Variants in GLYATL1 observed in about 807,000 individuals in gnomAD.
GLYATL1 encodes the protein glycine N-acyltransferase-like protein 1.
Under a neutral mutation model 20.0 loss-of-function variants are expected in GLYATL1, and 15 were observed. The observed-to-expected ratio is 0.75, with a 90% CI of 0.50 to 1.15. The LOEUF is 1.15. GLYATL1 is among the 50% of genes most tolerant of loss of function. The pLI is 0.00. For synonymous variants in GLYATL1, 151 were observed against 131.5 expected (o/e 1.15, Z -1.01); for missense variants, 380 against 368.5 (o/e 1.03, Z -0.26).
chr11:58,905,730 T>C (rs1854855176), intron 1 of GLYATL1: 10 of 127,592 alleles, frequency 7.8e-5, no homozygotes, highest in Admixed American at 6.4e-4. Context: ...ATGGGTCATC[T>C]GGACAAATAG....
rs542320563 is a variant in GLYATL1 at position 58,947,178 on chromosome 11, T to C, written c.78+13T>C. 5.3e-5 allele frequency: 85 copies of C among 1,613,000 alleles called. 2 individuals are homozygous for C. In the South Asian group the frequency reaches 8.7e-4, roughly 16 times the overall value. On this transcript the variant is annotated intron_variant, in intron 3 of 6. Transcript: ENST00000532726. ...TGAGTCCCTGAAGGTCAGGGAACAGTGGGAGGTCAGGGTATGGGAGTAGGG... is the reference window on the plus strand; with the variant it reads ...TGAGTCCCTGAAGGTCAGGGAACAGCGGGAGGTCAGGGTATGGGAGTAGGG...
At chr11:58,942,248 T>C (rs1409486863) in intron 1 of GLYATL1, among the ~76,000 whole-genome samples, 1 of 152,200 alleles carries the variant, frequency 6.6e-6, no homozygotes, top group Non-Finnish European at 1.5e-5. Flanking sequence ...GTCTGAACTT[T>C]GCTCCAGAGG....
chr11:58,955,442 T>C, intron 6 of GLYATL1, 89 bp downstream of exon 6: 1 of 1,397,470 alleles, frequency 7.2e-7, no homozygotes, highest in Non-Finnish European at 9.9e-7. Context: ...GAAGAGAGGA[T>C]GAATTCATTC....
rs186526938 is a variant in GLYATL1, at chr11:58,942,185, G to C, written c.-166-1358G>C. ...GCAACAGATGTGTGTTGAAGCCAAG[G>C]AACCCTGAATTTAGGTCACCTGGAT... On this transcript the variant is annotated intron_variant, in intron 1 of 6. Transcript: ENST00000532726. Among the ~76,000 whole-genome samples, 188 of 152,294 alleles carry C rather than the reference G, an allele frequency of 1.2e-3. 1 individual carries two copies. Among genetic ancestry groups the C allele is most frequent in the African/African-American group, 3.9e-3 (163 of 41,568 alleles).
chr11:58,938,470 A>G (rs1440889044), upstream of GLYATL1, among the ~76,000 whole-genome samples: 1 of 152,158 alleles, frequency 6.6e-6, no homozygotes, highest in African/African-American at 2.4e-5. Context: ...ACCAGAATTC[A>G]TTGCTTCCAT....
At chr11:58,929,959 C>T (rs1477074235) in intron 1 of GLYATL1, among the ~76,000 whole-genome samples, 1 of 152,242 alleles carries the variant, frequency 6.6e-6, no homozygotes. Flanking sequence ...TCAAGGATCA[C>T]TGTCCTTCTT....
intron 1 of GLYATL1, 42 bp from the exon 2 acceptor site, chr11:58,943,501 A>T: frequency 6.4e-7 from 1 of 1,556,858 alleles, no homozygotes; most frequent in Non-Finnish European, 8.7e-7. Flanking sequence ...GCTTAATGAA[A>T]CTCCTTTAAG....
intron 1 of GLYATL1, among the ~76,000 whole-genome samples, chr11:58,940,918 G>A (rs1035460185): frequency 1.8e-4 from 27 of 152,196 alleles, no homozygotes; most frequent in Non-Finnish European, 7.3e-5. Context: ...AGTGAGTCTT[G>A]ATTCAGCCAC....
intron 1 of GLYATL1, among the ~76,000 whole-genome samples, chr11:58,922,564 G>GA (rs1855335353): frequency 6.6e-6 from 1 of 152,144 alleles, no homozygotes; most frequent in African/African-American, 2.4e-5. Flanking sequence ...TCTCCGGTGA[G>GA]ACTGGGGACA....
At chr11:58,921,584 C>T (rs954654437) in intron 1 of GLYATL1, among the ~76,000 whole-genome samples, 1 of 152,192 alleles carries the variant, frequency 6.6e-6, no homozygotes, top group Admixed American at 6.5e-5. Context: ...TTTCCTTTTG[C>T]ATCACGCACA....
At chr11:58,940,974 A>G (rs1022164827) in intron 1 of GLYATL1, among the ~76,000 whole-genome samples, 2 of 152,128 alleles carry the variant, frequency 1.3e-5, no homozygotes, top group Admixed American at 1.3e-4. Context: ...CAAAAAGACA[A>G]ATAGAGGCAG....
At chr11:58,920,479 T>C (rs987429856) in intron 1 of GLYATL1, among the ~76,000 whole-genome samples, 1 of 152,196 alleles carries the variant, frequency 6.6e-6, no homozygotes, top group African/African-American at 2.4e-5. Flanking sequence ...CACCACTGCA[T>C]GCCCCTCTTG....
exon 2 of GLYATL1, chr11:58,907,417 T>C (rs1446735047): frequency 2.2e-6 from 1 of 456,102 alleles, no homozygotes; most frequent in Admixed American, 2.3e-5. Flanking sequence ...GTTGTCACCA[T>C]CTTTAATTGC....
chr11:58,907,474 TTTTTGTTTG>T (rs1195050596), exon 2 of GLYATL1: 36 of 292,960 alleles, frequency 1.2e-4, no homozygotes, highest in South Asian at 3.1e-4. Context: ...ATTTCGCTCT[TTTTTGTTTG>T]TTTTGTTTTG....
intron 1 of GLYATL1, among the ~76,000 whole-genome samples, chr11:58,920,489 G>T (rs1195991755): frequency 6.6e-6 from 1 of 152,090 alleles, no homozygotes; most frequent in Non-Finnish European, 1.5e-5. Flanking sequence ...TGCCCCTCTT[G>T]GCGTACTCCC....
At chr11:58,945,004 T>C (rs935821124) in intron 2 of GLYATL1, among the ~76,000 whole-genome samples, 1 of 142,892 alleles carries the variant, frequency 7.0e-6, no homozygotes, top group African/African-American at 2.6e-5. Flanking sequence ...AAAGTAAAAG[T>C]TATTTTATAT....
At chr11:58,946,808 C>T in intron 2 of GLYATL1, 1 of 563,020 alleles carries the variant, frequency 1.8e-6, no homozygotes, top group Non-Finnish European at 3.2e-6. Context: ...ATTCTTTCCA[C>T]AAGGGAGGAA....
chr11:58,943,119 A>T, intron 1 of GLYATL1: 1 of 714,340 alleles, frequency 1.4e-6, no homozygotes, highest in Non-Finnish European at 2.1e-6. Context: ...CTGTTGAAAC[A>T]AACTAATTAC....
intron 1 of GLYATL1, chr11:58,933,800 T>C (rs1224487445): frequency 1.3e-5 from 2 of 152,242 alleles, no homozygotes; most frequent in Admixed American, 6.5e-5. Flanking sequence ...TTGTAGGGTG[T>C]CTAGTGTGGT....
Sources: gnomAD v4.1 joint callset for allele counts (sites outside exome capture counted in the v4.1 genomes callset) on GRCh38, gnomAD v4.1.1 for gene constraint, MANE v1.5 for transcripts, NCBI Gene and HGNC (gene_info 2026-07-23, HGNC 2026-07-21) for gene names.